Variants in MAP4 observed in about 807,000 individuals in gnomAD.
The protein encoded by MAP4 is microtubule associated protein 4, also known as microtubule-associated protein 4.
A neutral mutation model predicts 170.2 loss-of-function variants in MAP4; 76 were observed. The ratio of observed to expected loss-of-function variants is 0.45; its 90% CI spans 0.37 to 0.54. The LOEUF (loss-of-function observed/expected upper bound fraction) is 0.54, where lower values mean the gene tolerates loss of function less well. Among genes scored for constraint, MAP4 ranks in the 20% least tolerant of loss-of-function variants. MAP4 has a pLI of 0.00. For missense variants in MAP4, 2,506 were observed against 2,748.0 expected, an observed-to-expected ratio of 0.91 and a Z score of 1.97; for synonymous variants, 909 against 994.5, an observed-to-expected ratio of 0.91 and a Z score of 1.62.
intron 4 of MAP4, among the ~76,000 whole-genome samples, chr3:47,922,834 G>T (rs2100043703): frequency 6.6e-6 from 1 of 152,148 alleles, no homozygotes; most frequent in African/African-American, 2.4e-5. Flanking sequence ...CGGATCACGA[G>T]GTCTGGAGAT....
Position 47,911,673 on chromosome 3 carries a change from G to A in MAP4, c.2748C>T (p.Ser916=). The change falls in exon 9 of 21, where the codon AGC becomes AGT. Residue 916 remains serine (S), a synonymous_variant. Transcript: ENST00000683076. The surrounding 1 kb of genome is among the most constrained non-coding windows in gnomAD (Gnocchi z 4.0). ...TCAGATTGAGAGGGCCTACTGACTG[G>A]CTTTTATCTACAGGAGTCTTCAGGT... ...APHLKTPVDK[S]QSVGPLNLKG... 1 of 1,536,046 alleles carries A rather than the reference G, an allele frequency of 6.5e-7. No individual in the cohort carries two copies. The highest frequency in any genetic ancestry group is 1.7e-4 in the Middle Eastern group (1 of 5,990).
At position 47,855,541 on chromosome 3, in the gene MAP4, C is replaced by G. The variant is rs923314152; in HGVS notation, c.6584-181G>C. ...TTCTCATATCACAGTGAGGCTGAGA[C>G]AATCTCTCCGTCCAGCCAGTGGGAA... On this transcript the variant is annotated intron_variant, in intron 18 of 20. Transcript: ENST00000683076. The surrounding 1 kb of genome is among the most constrained non-coding windows in gnomAD (Gnocchi z 5.1). 2.0e-5 allele frequency among the ~76,000 whole-genome samples: 3 copies of G among 152,220 alleles called. No individual in the cohort carries two copies. The highest frequency in any genetic ancestry group is 4.4e-5 in the Non-Finnish European group (3 of 68,040).
chr3:48,031,236 C>T (rs974083441), intron 1 of MAP4, among the ~76,000 whole-genome samples: 5 of 152,006 alleles, frequency 3.3e-5, no homozygotes, highest in East Asian at 1.9e-4. Context: ...AGCAACATGG[C>T]GAAACCCCAT....
chr3:48,087,725 A>G (rs568314123), intron 1 of MAP4, among the ~76,000 whole-genome samples: 1 of 136,556 alleles, frequency 7.3e-6, no homozygotes, highest in Non-Finnish European at 1.6e-5. Context: ...ATACACACGC[A>G]CGCGCACACA....
In MAP4 at chr3:47,910,681, T is replaced by A; in HGVS notation, c.3740A>T (p.Asp1247Val). 1 of 1,536,122 alleles carries A rather than the reference T, an allele frequency of 6.5e-7. No homozygotes were observed. Among genetic ancestry groups the A allele is most frequent in the Non-Finnish European group, 8.7e-7 (1 of 1,146,896 alleles). The change falls in exon 9 of 21, where the codon GAT becomes GTT. Residue 1247 changes from aspartate (D) to valine (V), a missense_variant. Physicochemically the swap from Asp to Val is radical, Grantham distance 152 (BLOSUM62 -3). Around this residue, in one of 3 missense-constraint regions of MAP4, gnomAD observed 2,008 missense variants for 2,206.0 expected, o/e 0.91. Transcript: ENST00000683076. ...ATGGGGAATACTACCAGTATCTCCA[T>A]CCTTCCCTTCAAAAGGTGGGTTAAG... is the stretch of plus-strand genomic sequence containing the variant. ...EILNPPFEGK[D>V]GDTGSIPHKS...
chr3:47,923,566 G>A (rs2100044161), intron 4 of MAP4, among the ~76,000 whole-genome samples: 1 of 140,676 alleles, frequency 7.1e-6, no homozygotes, highest in African/African-American at 2.7e-5. Flanking sequence ...CTCCTGTCTG[G>A]GCAACACACC....
At position 47,917,053 on chromosome 3, in the gene MAP4, C is replaced by T. The variant is rs942458221; in HGVS notation, c.774G>A (p.Met258Ile). Reference sequence around the variant, plus strand: ...CTAGTGCCATGTCCTTGGCGAGGGCCATCTCTGTTTCTTTAGATGGTGCCA... The same window carrying T: ...CTAGTGCCATGTCCTTGGCGAGGGCTATCTCTGTTTCTTTAGATGGTGCCA... ...TDMAPSKETE[M>I]ALAKDMALAT... The change falls in exon 7 of 21, where the codon ATG becomes ATA. Residue 258 changes from methionine to isoleucine, a missense_variant. This residue lies in a region of MAP4 where 2,008 missense variants were observed against 2,206.0 expected (regional missense o/e 0.91). Transcript: ENST00000683076. The T allele has an allele frequency of 1.9e-6, 3 of 1,614,078 alleles. No individual in the cohort carries two copies. The African/African-American group carries it at 4.0e-5, about 22-fold the overall frequency.
intron 2 of MAP4, among the ~76,000 whole-genome samples, 197 bp downstream of exon 2, chr3:47,998,441 A>G (rs967975234): frequency 2.0e-5 from 3 of 152,218 alleles, no homozygotes; most frequent in African/African-American, 7.2e-5. Flanking sequence ...CATTAGGGTT[A>G]AAAGTCATCC....
At chr3:47,886,871 A>T (rs2097682438) in intron 10 of MAP4, among the ~76,000 whole-genome samples, 1 of 152,074 alleles carries the variant, frequency 6.6e-6, no homozygotes, top group Non-Finnish European at 1.5e-5. Flanking sequence ...ATCTGCCACT[A>T]CCTGAATCAA....
chr3:47,953,563 T>C (rs760168604), intron 3 of MAP4, among the ~76,000 whole-genome samples: 52 of 152,096 alleles, frequency 3.4e-4, no homozygotes, highest in Non-Finnish European at 6.0e-4. Flanking sequence ...GAGTCCACTA[T>C]GTTTAATGAG....
chr3:48,071,113 A>G (rs887109428), intron 1 of MAP4, among the ~76,000 whole-genome samples: 3 of 152,180 alleles, frequency 2.0e-5, no homozygotes, highest in Non-Finnish European at 4.4e-5. Flanking sequence ...GTCTCGTAAT[A>G]AAGGGCAGAC....
intron 1 of MAP4, among the ~76,000 whole-genome samples, chr3:48,005,528 G>A (rs2100101819): frequency 6.6e-6 from 1 of 152,208 alleles, no homozygotes. Context: ...TAATGTTGCA[G>A]CTCGGGGAGT....
chr3:47,853,410 G>A, intron 19 of MAP4, 58 bp from the exon 20 acceptor site: 1 of 1,196,656 alleles, frequency 8.4e-7, no homozygotes. Flanking sequence ...GAGTGGGATG[G>A]GGTGATGGTG....
At chr3:47,901,553 G>A (rs965058725) in intron 10 of MAP4, among the ~76,000 whole-genome samples, 10 of 151,886 alleles carry the variant, frequency 6.6e-5, no homozygotes, top group African/African-American at 2.4e-4. Context: ...GCACGCACCT[G>A]TAGTTCCAGC....
intron 3 of MAP4, among the ~76,000 whole-genome samples, chr3:47,962,016 T>C (rs535447068): frequency 6.6e-6 from 1 of 152,276 alleles, no homozygotes; most frequent in Admixed American, 6.5e-5. Flanking sequence ...TTTATTAGCA[T>C]AAAGACACTC....
chr3:47,998,462 G>C (rs2100097226), intron 2 of MAP4, among the ~76,000 whole-genome samples, 176 bp downstream of exon 2: 1 of 152,150 alleles, frequency 6.6e-6, no homozygotes, highest in Non-Finnish European at 1.5e-5. Context: ...ACAGACTCAT[G>C]AACGCTCACT....
At chr3:47,933,009 C>T (rs2100050741) in intron 3 of MAP4, among the ~76,000 whole-genome samples, 1 of 152,118 alleles carries the variant, frequency 6.6e-6, no homozygotes, top group African/African-American at 2.4e-5. Context: ...CTCAAGAGAT[C>T]TTCCTGCCTC....
At chr3:47,857,943 C>T (rs2059333949) in intron 17 of MAP4, among the ~76,000 whole-genome samples, 1 of 151,710 alleles carries the variant, frequency 6.6e-6, no homozygotes, top group Non-Finnish European at 1.5e-5. Context: ...CTCCTGACCT[C>T]AGGAGATCCA....
rs941636097 is a variant in MAP4, at chr3:47,911,334, G to A, written c.3087C>T (p.Ser1029=). ...CCTGCAGCTGCTCAGAAGTAAAGAT[G>A]CTGATCTCTTGTCTTTCGTTGGGAA... ...EAFPNERQEI[S]IFTSEQLQGQ... Residue 1029 remains serine, a synonymous_variant, in exon 9 of 21, where the codon AGC becomes AGT. Transcript: ENST00000683076. The surrounding 1 kb of genome is among the most constrained non-coding windows in gnomAD (Gnocchi z 4.0). The A allele has an allele frequency of 1.3e-6, 2 of 1,536,044 alleles. No homozygotes were observed. Among genetic ancestry groups the A allele is most frequent in the East Asian group, 4.9e-5 (2 of 40,922 alleles).
Sources: gnomAD v4.1 joint callset for allele counts (sites outside exome capture counted in the v4.1 genomes callset) on GRCh38, gnomAD v4.1.1 for gene constraint, gnomAD v4.1.1 regional missense constraint, Gnocchi (gnomAD v3.1) non-coding constraint, MANE v1.5 for transcripts, NCBI Gene and HGNC (gene_info 2026-07-23, HGNC 2026-07-21) for gene names.